The following DYNC1H1 variants were observed in gnomAD, a reference collection of about 807,000 sequenced individuals.
DYNC1H1 encodes the protein dynein cytoplasmic 1 heavy chain 1.
Under a neutral mutation model 527.1 loss-of-function variants are expected in DYNC1H1, and 51 were observed. That is an observed-to-expected ratio of 0.10 (90% confidence interval 0.08 to 0.12). DYNC1H1 has a LOEUF of 0.12. Among genes scored for constraint, DYNC1H1 ranks in the 10% least tolerant of loss-of-function variants. DYNC1H1 has a pLI of 1.00. For synonymous variants in DYNC1H1, 2,189 were observed against 2,278.8 expected (o/e 0.96, Z 1.12); for missense variants, 2,771 against 5,971.8 (o/e 0.46, Z 17.66).
chr14:101,968,305 G>GTTTTT (rs200785326), intron 1 of DYNC1H1, among the ~76,000 whole-genome samples: 2 of 151,896 alleles, frequency 1.3e-5, no homozygotes, highest in African/African-American at 4.8e-5. Context: ...GTTTTGTTTT[G>GTTTTT]TTTGAGACAG....
chr14:102,029,566 G>A lies in DYNC1H1; in HGVS notation c.9496G>A (p.Gly3166Ser), dbSNP rs1393341368. The A allele has an allele frequency of 8.1e-6, 13 of 1,614,192 alleles. No individual in the cohort carries two copies. Among genetic ancestry groups the A allele is most frequent in the South Asian group, 1.1e-5 (1 of 91,088 alleles). ...QANARLAKRG[G>S]RTMAITPRHY... Reference sequence around the variant, plus strand: ...GAATGCTCGGCTAGCAAAGCGAGGCGGCAGAACGATGGCCATCACCCCTCG... The same window carrying A: ...GAATGCTCGGCTAGCAAAGCGAGGCAGCAGAACGATGGCCATCACCCCTCG... The change falls in exon 49 of 78, where the codon GGC (glycine) becomes AGC (serine). Residue 3166 changes from glycine to serine, a missense_variant. Gly to Ser is a moderately conservative substitution (Grantham distance 56). Transcript: ENST00000360184. This position sits in a 1 kb window ranked among gnomAD's most constrained non-coding sequence, Gnocchi z 5.3.
At position 102,005,360 on chromosome 14, in the gene DYNC1H1, T is replaced by C. The variant is rs896565993; in HGVS notation, c.5433+124T>C. 28 of 1,318,220 alleles carry C rather than the reference T, an allele frequency of 2.1e-5. No homozygotes were observed. In the South Asian group the frequency reaches 3.2e-4, roughly 15 times the overall value. 81.7% of individuals were successfully genotyped at this position (1,318,220 alleles called of 1,614,324 possible). ...ATCAAGGAGAACAGTGGATGGTGTATGGATATCCTCTGAGGGTGGGCATTT... is the reference window on the plus strand; with the variant it reads ...ATCAAGGAGAACAGTGGATGGTGTACGGATATCCTCTGAGGGTGGGCATTT... On this transcript the variant is annotated intron_variant, in intron 26 of 77. Coordinates refer to ENST00000360184, the MANE Select transcript of DYNC1H1 (RefSeq NM_001376.5). This position sits in a 1 kb window ranked among gnomAD's most constrained non-coding sequence, Gnocchi z 4.0.
At chr14:102,026,829 G>C (rs2048456821) in intron 44 of DYNC1H1, 122 bp downstream of exon 44, 1 of 1,416,388 alleles carries the variant, frequency 7.1e-7, no homozygotes, top group Non-Finnish European at 9.7e-7. Context: ...TCTCCACCAA[G>C]CAGCTTCCCC....
Position 102,027,971 on chromosome 14 carries a change from G to A in DYNC1H1, c.9298G>A (p.Glu3100Lys). 1 of 1,614,162 alleles carries A rather than the reference G, an allele frequency of 6.2e-7. No individual in the cohort carries two copies. Residue 3100 changes from glutamate (E) to lysine (K), a missense_variant, in exon 48 of 78, where the codon GAA becomes AAA. This residue lies in a region of DYNC1H1 where 67 missense variants were observed against 128.2 expected (regional missense o/e 0.52). Coordinates refer to ENST00000360184, the MANE Select transcript of DYNC1H1 (RefSeq NM_001376.5). The surrounding 1 kb of genome is among the most constrained non-coding windows in gnomAD (Gnocchi z 7.7). Reference sequence around the variant, plus strand: ...GAATTGGTTTGGAGACTGGTCCACCGAAGCACTGTATCAGGTTGGCAAAGA... The same window carrying A: ...GAATTGGTTTGGAGACTGGTCCACCAAAGCACTGTATCAGGTTGGCAAAGA... ...VLNWFGDWSTEALYQVGKEFT... is the reference protein window; with the variant it reads ...VLNWFGDWSTKALYQVGKEFT...
chr14:101,975,299 C>A (rs762462157), intron 1 of DYNC1H1, among the ~76,000 whole-genome samples: 1 of 152,182 alleles, frequency 6.6e-6, no homozygotes, highest in South Asian at 2.1e-4. Flanking sequence ...GCTGAGTGAA[C>A]GGCTGAGCAG....
chr14:102,049,340 G>C lies in DYNC1H1; in HGVS notation c.13373-100G>C, dbSNP rs2048772154. On this transcript the variant is annotated intron_variant, in intron 74 of 77. Coordinates refer to ENST00000360184, the MANE Select transcript of DYNC1H1 (RefSeq NM_001376.5). The surrounding 1 kb of genome is among the most constrained non-coding windows in gnomAD (Gnocchi z 5.5). ...CAGTAGGTGGAGCCGCCAGCCGCCT[G>C]TGTGGGCAGCCAGGATGCCTAGCAC... The C allele has an allele frequency of 6.3e-7, 1 of 1,576,982 alleles. No homozygotes were observed. The highest frequency in any genetic ancestry group is 8.6e-7 in the Non-Finnish European group (1 of 1,160,134).
rs1060504513 is a variant in DYNC1H1, at chr14:102,027,977, C to T, written c.9304C>T (p.Leu3102=). 2 of 1,614,202 alleles carry T rather than the reference C, an allele frequency of 1.2e-6. No homozygotes were observed. The highest frequency in any genetic ancestry group is 1.1e-5 in the South Asian group (1 of 91,088). ...NWFGDWSTEA[L]YQVGKEFTSK... is the part of the protein sequence containing the mutation. Reference sequence around the variant, plus strand: ...GTTTGGAGACTGGTCCACCGAAGCACTGTATCAGGTTGGCAAAGAATTCAC... The same window carrying T: ...GTTTGGAGACTGGTCCACCGAAGCATTGTATCAGGTTGGCAAAGAATTCAC... The change falls in exon 48 of 78, where the codon CTG becomes TTG. Residue 3102 remains leucine (L), a synonymous_variant. Coordinates refer to ENST00000360184, the MANE Select transcript of DYNC1H1 (RefSeq NM_001376.5). The surrounding 1 kb of genome is among the most constrained non-coding windows in gnomAD (Gnocchi z 7.7).
Position 102,027,248 on chromosome 14 carries a change from T to G in DYNC1H1, c.8846T>G (p.Phe2949Cys). Residue 2949 changes from phenylalanine to cysteine, a missense_variant, in exon 45 of 78, where the codon TTC becomes TGC. Transcript: ENST00000360184. The surrounding 1 kb of genome is among the most constrained non-coding windows in gnomAD (Gnocchi z 7.7). The part of the protein sequence containing the change: ...SGAGKTTLSR[F>C]VAWMNGLSVY... ...GCAGGAAAAACTACCCTGTCTCGTT[T>G]CGTCGCCTGGATGAACGGTTTGAGT... The G allele has an allele frequency of 1.9e-6, 3 of 1,614,110 alleles. No individual in the cohort carries two copies. Among genetic ancestry groups the G allele is most frequent in the Non-Finnish European group, 2.5e-6 (3 of 1,180,004 alleles).
At position 102,034,080 on chromosome 14, in the gene DYNC1H1, C is replaced by T. The variant is rs2048542288; in HGVS notation, c.10518C>T (p.Asp3506=). 2 of 1,614,162 alleles carry T rather than the reference C, an allele frequency of 1.2e-6. No homozygotes were observed. The highest frequency in any genetic ancestry group is 1.7e-6 in the Non-Finnish European group (2 of 1,180,042). The change falls in exon 55 of 78, where the codon GAC becomes GAT. Residue 3506 remains aspartate (D), a synonymous_variant. Transcript: ENST00000360184. The part of the protein sequence containing the change: ...FKNQMSTIAG[D]CLLSAAFIAY... ...ACCAGATGTCCACCATTGCTGGGGA[C>T]TGTCTCTTGTCAGCTGCGTTCATTG...
intron 72 of DYNC1H1, among the ~76,000 whole-genome samples, chr14:102,046,754 C>CT (rs2048725085): frequency 6.6e-6 from 1 of 152,038 alleles, no homozygotes; most frequent in Non-Finnish European, 1.5e-5. Context: ...ACCCAGGGTC[C>CT]TGAAGAGCCT....
At position 102,036,704 on chromosome 14, in the gene DYNC1H1, C is replaced by T; in HGVS notation, c.10908+62C>T. On this transcript the variant is annotated intron_variant, in intron 57 of 77. Coordinates refer to ENST00000360184, the MANE Select transcript of DYNC1H1 (RefSeq NM_001376.5). The surrounding 1 kb of genome is among the most constrained non-coding windows in gnomAD (Gnocchi z 5.6). Reference sequence around the variant, plus strand: ...TCAAGAGTGAATTCCTTTTTGGGGGCTGCCTTTAGTTTTCAACTTTGTAAG... The same window carrying T: ...TCAAGAGTGAATTCCTTTTTGGGGGTTGCCTTTAGTTTTCAACTTTGTAAG... 1 of 1,605,392 alleles carries T rather than the reference C, an allele frequency of 6.2e-7. No individual in the cohort carries two copies. Among genetic ancestry groups the T allele is most frequent in the South Asian group, 1.1e-5 (1 of 90,462 alleles).
At chr14:102,047,628 T>A (rs1386855886) in intron 72 of DYNC1H1, 189 bp from the exon 73 acceptor site, 1 of 422,696 alleles carries the variant, frequency 2.4e-6, no homozygotes, top group Non-Finnish European at 4.0e-6. Flanking sequence ...CACGTGTGTG[T>A]GTGTGTGTGT....
chr14:101,995,845 G>C (rs1337846943), intron 15 of DYNC1H1, among the ~76,000 whole-genome samples: 1 of 151,972 alleles, frequency 6.6e-6, no homozygotes, highest in Non-Finnish European at 1.5e-5. Flanking sequence ...CAGATCACCT[G>C]AAGTCAGGAG....
Position 102,017,873 on chromosome 14 carries a change from G to A in DYNC1H1, c.8177+369G>A, listed in dbSNP as rs536748342. On this transcript the variant is annotated intron_variant, in intron 40 of 77. Coordinates refer to ENST00000360184, the MANE Select transcript of DYNC1H1 (RefSeq NM_001376.5). The surrounding 1 kb of genome is among the most constrained non-coding windows in gnomAD (Gnocchi z 4.6). ...TGTAATCCCAGCACTTTGGGAGGCC[G>A]AAGCGGGCAGATCACGAGGTCAGGA... The A allele has an allele frequency of 2.0e-4, 67 of 341,660 alleles. No individual in the cohort carries two copies. The highest frequency in any genetic ancestry group is 1.2e-3 in the Admixed American group (29 of 24,384). 21.2% of individuals were successfully genotyped at this position (341,660 alleles called of 1,614,324 possible).
Position 101,991,677 on chromosome 14 carries a change from A to G in DYNC1H1, c.3015+4A>G, listed in dbSNP as rs1490344120. 6.2e-7 allele frequency: 1 copy of G among 1,614,138 alleles called. No individual in the cohort carries two copies. Among genetic ancestry groups the G allele is most frequent in the African/African-American group, 1.3e-5 (1 of 75,016 alleles). ...GATCCAGAGTCAGAGGTACCAGGTA[A>G]GCCTTTGGTGACTCGAGGCACACGC... On this transcript the variant is annotated splice_donor_region_variant and intron_variant, in intron 11 of 77. Transcript: ENST00000360184.
chr14:101,983,129 G>C lies in DYNC1H1; in HGVS notation c.1072G>C (p.Val358Leu). 1 of 1,614,154 alleles carries C rather than the reference G, an allele frequency of 6.2e-7. No individual in the cohort carries two copies. The change falls in exon 6 of 78, where the codon GTT becomes CTT. Residue 358 changes from valine to leucine, a missense_variant. Transcript: ENST00000360184. The surrounding 1 kb of genome is among the most constrained non-coding windows in gnomAD (Gnocchi z 5.3). ...TELDKIRQAL[V>L]AIFTHLRKIR... ...GCTGGACAAAATAAGACAGGCGCTT[G>C]TTGCCATTTTCACACATTTGAGAAA...
intron 1 of DYNC1H1, among the ~76,000 whole-genome samples, chr14:101,970,400 G>A (rs1047012105): frequency 6.6e-6 from 1 of 151,534 alleles, no homozygotes; most frequent in East Asian, 1.9e-4. Flanking sequence ...GGGAAAAAAA[G>A]GGAGGCCGTG....
At chr14:102,023,049 T>C in intron 43 of DYNC1H1, 169 bp downstream of exon 43, 3 of 1,117,392 alleles carry the variant, frequency 2.7e-6, no homozygotes, top group Non-Finnish European at 2.6e-6. Flanking sequence ...GATCACTTGA[T>C]CCCAGGAGTT....
chr14:102,043,766 T>C, intron 69 of DYNC1H1, 109 bp from the exon 70 acceptor site: 2 of 1,500,918 alleles, frequency 1.3e-6, no homozygotes, highest in South Asian at 1.2e-5. Context: ...GCTGCCATCG[T>C]CAGGATGTGG....
Sources: gnomAD v4.1 joint callset for allele counts (sites outside exome capture counted in the v4.1 genomes callset) on GRCh38, gnomAD v4.1.1 for gene constraint, gnomAD v4.1.1 regional missense constraint, Gnocchi (gnomAD v3.1) non-coding constraint, MANE v1.5 for transcripts, NCBI Gene and HGNC (gene_info 2026-07-23, HGNC 2026-07-21) for gene names.